Variants in AVEN observed in about 807,000 individuals in gnomAD.
AVEN encodes cell death regulator Aven.
A neutral mutation model predicts 38.1 loss-of-function variants in AVEN; 41 were observed. The observed-to-expected ratio is 1.08, with a 90% CI of 0.84 to 1.40. AVEN has a LOEUF of 1.40. AVEN is among the 40% of genes most tolerant of loss of function. The probability of loss-of-function intolerance (pLI) is 0.00; values close to 1 mark genes in which losing one functional copy is unlikely to be tolerated. For missense variants in AVEN, 605 were observed against 438.8 expected (o/e 1.38, Z -3.38); for synonymous variants, 206 against 171.8 (o/e 1.20, Z -1.56).
chr15:33,854,822 C>T (rs182044746), downstream of AVEN: 5 of 1,613,898 alleles, frequency 3.1e-6, no homozygotes, highest in Admixed American at 3.3e-5. Flanking sequence ...ACTACAATAA[C>T]TTCTTCTTTG....
In AVEN at chr15:33,890,409, A is replaced by C. The variant is rs76472153; in HGVS notation, c.446-14414T>G. On this transcript the variant is annotated intron_variant, in intron 2 of 5. Coordinates refer to ENST00000306730, the MANE Select transcript of AVEN (RefSeq NM_020371.3). ...TAATAATGCGTAAATATATGCATGC[A>C]AGAATAAATGAGCAAACGAACAAGA... 4.4e-3 allele frequency among the ~76,000 whole-genome samples: 669 copies of C among 152,322 alleles called. 4 individuals are homozygous for C. Among genetic ancestry groups the C allele is most frequent in the Middle Eastern group, 0.017 (5 of 294 alleles).
intron 2 of AVEN, among the ~76,000 whole-genome samples, chr15:33,915,348 CAGAGTGTG>C (rs1893090890): frequency 6.6e-6 from 1 of 152,138 alleles, no homozygotes; most frequent in South Asian, 2.1e-4. Context: ...GTTGCGTGCC[CAGAGTGTG>C]AAAGTGTGAA....
intron 1 of AVEN, among the ~76,000 whole-genome samples, chr15:34,009,709 C>T (rs1048437089): frequency 2.0e-5 from 3 of 152,082 alleles, no homozygotes; most frequent in African/African-American, 7.2e-5. Flanking sequence ...ACAATAGGGC[C>T]AGGCACAGTG....
intron 5 of AVEN, chr15:34,062,569 A>AAAAG: frequency 1.5e-6 from 1 of 688,214 alleles, no homozygotes; most frequent in African/African-American, 1.8e-5. Context: ...AAAAAAAAAA[A>AAAAG]AAAAACTATA....
At chr15:34,041,718 T>C (rs1049705069), upstream of AVEN, among the ~76,000 whole-genome samples, 2 of 152,254 alleles carry the variant, frequency 1.3e-5, no homozygotes, top group African/African-American at 4.8e-5. Context: ...ACTTTCCACG[T>C]ACTAACTCAT....
At position 34,038,903 on chromosome 15, in the gene AVEN, G is replaced by C; in HGVS notation, c.144C>G (p.Gly48=). 8.9e-7 allele frequency: 1 copy of C among 1,124,990 alleles called. No individual in the cohort carries two copies. The highest frequency in any genetic ancestry group is 4.2e-5 in the South Asian group (1 of 23,870). The allele number at this position is 1,124,990 out of a possible 1,614,324, so 69.7% of individuals were successfully genotyped here. A position where few individuals can be genotyped will look rare whatever the true frequency, so the allele number is the denominator to read the frequency against. ...GGGGGGGGDG[G]GRRGRGRGRG... is the part of the protein sequence containing the mutation. ...GGCCACGGCCACGGCCCCGGCGTCC[G>C]CCTCCGTCCCCGCCGCCGCCTCCGC... The change falls in exon 1 of 6, where the codon GGC becomes GGG. Residue 48 remains glycine (G), a synonymous_variant. Coordinates refer to ENST00000306730, the MANE Select transcript of AVEN (RefSeq NM_020371.3).
intron 2 of AVEN, among the ~76,000 whole-genome samples, chr15:33,977,394 C>G (rs189999103): frequency 6.6e-6 from 1 of 152,284 alleles, no homozygotes; most frequent in Admixed American, 6.5e-5. Flanking sequence ...TCATCTCCTC[C>G]TATACTCCCT....
intron 2 of AVEN, among the ~76,000 whole-genome samples, chr15:33,899,968 CAT>C (rs1249410484): frequency 6.6e-6 from 1 of 151,184 alleles, no homozygotes; most frequent in East Asian, 1.9e-4. Flanking sequence ...AGTATAAAGT[CAT>C]GTGCAAAGAA....
intron 2 of AVEN, among the ~76,000 whole-genome samples, chr15:33,885,336 GATCA>G (rs917778606): frequency 2.6e-5 from 4 of 152,136 alleles, no homozygotes; most frequent in South Asian, 2.1e-4. Context: ...CGCTGACACA[GATCA>G]ATCCAGGGAA....
At chr15:34,059,406 A>C (rs1900263272) in intron 5 of AVEN, among the ~76,000 whole-genome samples, 1 of 152,228 alleles carries the variant, frequency 6.6e-6, no homozygotes, top group Non-Finnish European at 1.5e-5. Context: ...GCAAGCGGTC[A>C]GATCATTTTA....
downstream of AVEN, chr15:33,855,916 A>C (rs1020525837): frequency 6.6e-6 from 1 of 152,208 alleles, no homozygotes; most frequent in African/African-American, 2.4e-5. Flanking sequence ...TTCCTCATTA[A>C]GTACAAGTCT....
rs757887961 is a variant in AVEN, at chr15:34,063,398, G to A, written n.1161C>T. ...AAACAGAGAAGCGAACCAAGGACCT[G>A]GCTGACCTCCAGGGTTCTGACTCTG... On this transcript the variant is annotated non_coding_transcript_exon_variant, in exon 5 of 12. Transcript: ENST00000675287. The surrounding 1 kb of genome is among the most constrained non-coding windows in gnomAD (Gnocchi z 4.1). The A allele has an allele frequency of 1.2e-5, 20 of 1,613,902 alleles. No individual in the cohort carries two copies. The highest frequency in any genetic ancestry group is 1.5e-5 in the Non-Finnish European group (18 of 1,180,046).
chr15:34,009,981 C>T (rs1380905185), intron 1 of AVEN, among the ~76,000 whole-genome samples: 1 of 151,806 alleles, frequency 6.6e-6, no homozygotes, highest in Non-Finnish European at 1.5e-5. Flanking sequence ...AAAAAAGAAA[C>T]ATAATAATTA....
At chr15:33,906,960 G>T (rs953554790) in intron 2 of AVEN, among the ~76,000 whole-genome samples, 2 of 151,938 alleles carry the variant, frequency 1.3e-5, no homozygotes, top group Non-Finnish European at 2.9e-5. Context: ...GGGGGGGAAG[G>T]GGGTGTACAC....
intron 2 of AVEN, among the ~76,000 whole-genome samples, chr15:33,878,567 G>C (rs887003947): frequency 1.3e-5 from 2 of 152,026 alleles, no homozygotes; most frequent in Admixed American, 6.6e-5. Flanking sequence ...AAAGCAGGTA[G>C]GGCAAATTTT....
chr15:34,051,366 C>T (rs1197777031), intron 5 of AVEN, among the ~76,000 whole-genome samples: 1 of 152,144 alleles, frequency 6.6e-6, no homozygotes, highest in Non-Finnish European at 1.5e-5. Flanking sequence ...ATTTATAGCA[C>T]TAAATGCTTA....
chr15:33,869,338 A>G (rs545006961), intron 4 of AVEN, among the ~76,000 whole-genome samples: 7 of 152,280 alleles, frequency 4.6e-5, no homozygotes, highest in Non-Finnish European at 8.8e-5. Flanking sequence ...ATGTCACATA[A>G]TTATTTTATA....
chr15:33,928,943 TGTTCC>T (rs1418958341), intron 2 of AVEN, among the ~76,000 whole-genome samples: 8 of 152,208 alleles, frequency 5.3e-5, no homozygotes, highest in Non-Finnish European at 1.0e-4. Flanking sequence ...CTACCTAAGA[TGTTCC>T]TACTCTAGAG....
At chr15:33,933,748 C>T (rs896434412) in intron 2 of AVEN, among the ~76,000 whole-genome samples, 1 of 152,094 alleles carries the variant, frequency 6.6e-6, no homozygotes, top group African/African-American at 2.4e-5. Flanking sequence ...CACCTGAGGC[C>T]GGGAGTTCAA....
Sources: allele counts gnomAD v4.1 joint callset (sites outside exome capture counted in the v4.1 genomes callset), GRCh38; gene constraint gnomAD v4.1.1; non-coding constraint Gnocchi (gnomAD v3.1); transcripts MANE v1.5; gene names NCBI Gene and HGNC (gene_info 2026-07-23, HGNC 2026-07-21).